Variants in PTPRT observed in about 807,000 individuals in gnomAD.
PTPRT encodes the protein receptor-type tyrosine-protein phosphatase T.
PTPRT carries 56 observed loss-of-function variants against 176.8 expected under a neutral mutation model. That is an observed-to-expected ratio of 0.32 (90% CI 0.26 to 0.40). The LOEUF (loss-of-function observed/expected upper bound fraction) is 0.40. PTPRT is among the 10% of genes least tolerant of loss of function. PTPRT has a pLI of 1.00. For synonymous variants in PTPRT, 783 were observed against 739.0 expected (o/e 1.06, Z -0.96); for missense variants, 1,540 against 1,908.2 (o/e 0.81, Z 3.60).
intron 1 of PTPRT, among the ~76,000 whole-genome samples, chr20:43,140,772 GAGCCAC>G (rs1224535545): frequency 1.1e-4 from 16 of 152,136 alleles, no homozygotes; most frequent in Admixed American, 3.9e-4. Context: ...TGCCCTTACA[GAGCCAC>G]TGTGTGTGAA....
intron 7 of PTPRT, among the ~76,000 whole-genome samples, chr20:42,648,539 G>A (rs2074958103): frequency 6.6e-6 from 1 of 152,058 alleles, no homozygotes; most frequent in African/African-American, 2.4e-5. Context: ...AGTTGCCCTA[G>A]GCCCCCGAAT....
chr20:42,722,590 G>A (rs751346474), intron 6 of PTPRT, among the ~76,000 whole-genome samples: 6 of 152,142 alleles, frequency 3.9e-5, no homozygotes, highest in Non-Finnish European at 7.4e-5. Context: ...GAGTCTCAGA[G>A]TGCTCTGGGT....
intron 16 of PTPRT, among the ~76,000 whole-genome samples, chr20:42,171,773 C>T (rs1393381567): frequency 6.6e-6 from 1 of 152,066 alleles, no homozygotes; most frequent in Non-Finnish European, 1.5e-5. Flanking sequence ...ACATAGAAAT[C>T]AACATTAAAA....
chr20:42,470,958 C>T (rs988713590), intron 8 of PTPRT, among the ~76,000 whole-genome samples: 2 of 151,908 alleles, frequency 1.3e-5, no homozygotes, highest in African/African-American at 4.8e-5. Flanking sequence ...GACATGGAGG[C>T]TCCTAGGCTG....
At chr20:42,655,117 GT>G (rs1222047787) in intron 7 of PTPRT, among the ~76,000 whole-genome samples, 1 of 152,124 alleles carries the variant, frequency 6.6e-6, no homozygotes, top group African/African-American at 2.4e-5. Flanking sequence ...AGGTATGGAA[GT>G]AGCAAAATTA....
At chr20:42,259,156 G>C (rs1211373733) in intron 13 of PTPRT, among the ~76,000 whole-genome samples, 1 of 152,294 alleles carries the variant, frequency 6.6e-6, no homozygotes, top group East Asian at 1.9e-4. Context: ...TTGGTCTCCT[G>C]AATCTATGCT....
chr20:42,153,014 C>T (rs1032316702), intron 17 of PTPRT, among the ~76,000 whole-genome samples: 2 of 152,290 alleles, frequency 1.3e-5, no homozygotes, highest in Non-Finnish European at 2.9e-5. Context: ...TTGTACACAA[C>T]CTTCTCCTCT....
chr20:42,691,519 C>G (rs1230353811), intron 6 of PTPRT, among the ~76,000 whole-genome samples: 1 of 152,122 alleles, frequency 6.6e-6, no homozygotes, highest in East Asian at 1.9e-4. Flanking sequence ...GAAGGGGTGT[C>G]CAGATGGATT....
chr20:42,651,590 T>C (rs1004747753), intron 7 of PTPRT, among the ~76,000 whole-genome samples: 2 of 152,330 alleles, frequency 1.3e-5, no homozygotes, highest in East Asian at 1.9e-4. Context: ...CCTTGAGCAG[T>C]TGCCTTTTCT....
intron 6 of PTPRT, chr20:42,685,570 G>A (rs1055273729): frequency 4.6e-5 from 7 of 152,044 alleles, no homozygotes; most frequent in African/African-American, 1.4e-4. Context: ...CTTTAGCTTC[G>A]GCCATCATCC....
At chr20:42,658,730 A>C (rs556065541) in intron 7 of PTPRT, among the ~76,000 whole-genome samples, 4 of 152,362 alleles carry the variant, frequency 2.6e-5, no homozygotes, top group African/African-American at 7.2e-5. Context: ...CTGTATCTAT[A>C]TTAAATGTAA....
At chr20:42,296,870 C>T (rs954777831) in intron 12 of PTPRT, among the ~76,000 whole-genome samples, 1 of 152,050 alleles carries the variant, frequency 6.6e-6, no homozygotes, top group South Asian at 2.1e-4. Flanking sequence ...GGGATGGATA[C>T]CCCATTCTCA....
chr20:42,042,087 A>C, the PTPRT span, among the ~76,000 whole-genome samples: 1 of 152,160 alleles, frequency 6.6e-6, no homozygotes, highest in Non-Finnish European at 1.5e-5. Flanking sequence ...GGCTTCATCC[A>C]GCTATTACTG....
At chr20:42,851,322 T>A (rs958369867) in intron 2 of PTPRT, among the ~76,000 whole-genome samples, 2 of 152,178 alleles carry the variant, frequency 1.3e-5, no homozygotes, top group African/African-American at 4.8e-5. Flanking sequence ...CTCACAAGGC[T>A]CCTTTCTGCT....
At chr20:42,247,267 T>C (rs1010621403) in intron 14 of PTPRT, among the ~76,000 whole-genome samples, 2 of 152,038 alleles carry the variant, frequency 1.3e-5, no homozygotes, top group South Asian at 2.1e-4. Context: ...CAGAGGCTAG[T>C]ATGGTTGATC....
chr20:42,202,999 G>C (rs1016690182), intron 15 of PTPRT, among the ~76,000 whole-genome samples: 1 of 152,044 alleles, frequency 6.6e-6, no homozygotes, highest in African/African-American at 2.4e-5. Flanking sequence ...TTTAAAAATT[G>C]GAAAGCTAAC....
chr20:42,929,300 T>C, intron 1 of PTPRT, among the ~76,000 whole-genome samples: 1 of 152,254 alleles, frequency 6.6e-6, no homozygotes, highest in African/African-American at 2.4e-5. Flanking sequence ...TCATTATCAA[T>C]AATTTAGAGT....
At chr20:43,037,121 G>A (rs1191412313) in intron 1 of PTPRT, among the ~76,000 whole-genome samples, 1 of 152,158 alleles carries the variant, frequency 6.6e-6, no homozygotes, top group Non-Finnish European at 1.5e-5. Flanking sequence ...CACCTGTAAA[G>A]TGGCAAAAAC....
chr20:42,151,893 C>A (rs1386911930), intron 17 of PTPRT, among the ~76,000 whole-genome samples: 1 of 152,148 alleles, frequency 6.6e-6, no homozygotes, highest in African/African-American at 2.4e-5. Flanking sequence ...ATAAGCTGGT[C>A]CCTCTAGGTA....
Sources: gnomAD v4.1 joint callset for allele counts (sites outside exome capture counted in the v4.1 genomes callset) on GRCh38, gnomAD v4.1.1 for gene constraint, MANE v1.5 for transcripts, NCBI Gene and HGNC (gene_info 2026-07-23, HGNC 2026-07-21) for gene names.